The following FGGY variants were observed in gnomAD, a reference collection of about 807,000 sequenced individuals.
FGGY encodes FGGY carbohydrate kinase domain containing, also known as FGGY carbohydrate kinase domain-containing protein.
A neutral mutation model predicts 71.3 loss-of-function variants in FGGY; 72 were observed. That is an observed-to-expected ratio of 1.01 (90% CI 0.84 to 1.23). The LOEUF (loss-of-function observed/expected upper bound fraction) is 1.23. Ranked by LOEUF, FGGY falls within the 50% of genes most tolerant of loss-of-function variation. The pLI is 0.00. For missense variants in FGGY, 668 were observed against 682.3 expected, an observed-to-expected ratio of 0.98 and a Z score of 0.23; for synonymous variants, 251 against 250.3, an observed-to-expected ratio of 1.00 and a Z score of -0.02.
intron 14 of FGGY, among the ~76,000 whole-genome samples, chr1:59,738,524 G>A (rs1045434967): frequency 6.6e-6 from 1 of 152,208 alleles, no homozygotes; most frequent in Non-Finnish European, 1.5e-5. Context: ...AGTCACCAGG[G>A]CCCAAAAGTG....
intron 8 of FGGY, among the ~76,000 whole-genome samples, chr1:59,567,341 CTGAT>C (rs1224003900): frequency 6.6e-6 from 1 of 152,048 alleles, no homozygotes; most frequent in African/African-American, 2.4e-5. Flanking sequence ...ATATGTAAAA[CTGAT>C]TGAAAAGCAT....
chr1:59,597,888 C>G (rs1275431813), intron 8 of FGGY, among the ~76,000 whole-genome samples: 1 of 152,174 alleles, frequency 6.6e-6, no homozygotes, highest in Non-Finnish European at 1.5e-5. Flanking sequence ...ATAATTAGTA[C>G]TATGCTCACT....
At chr1:59,761,628 T>C (rs765472511) in intron 15 of FGGY, among the ~76,000 whole-genome samples, 21 of 152,238 alleles carry the variant, frequency 1.4e-4, no homozygotes, top group Admixed American at 1.3e-4. Context: ...TCAGCTGTTC[T>C]GCTGTCTGAT....
intron 10 of FGGY, among the ~76,000 whole-genome samples, chr1:59,633,965 A>G (rs2096932194): frequency 6.6e-6 from 1 of 152,216 alleles, no homozygotes; most frequent in Non-Finnish European, 1.5e-5. Flanking sequence ...TTCAGAAACA[A>G]GAGAACAAAT....
At chr1:59,339,690 C>T (rs2153198247) in intron 2 of FGGY, among the ~76,000 whole-genome samples, 1 of 152,156 alleles carries the variant, frequency 6.6e-6, no homozygotes, top group East Asian at 1.9e-4. Context: ...GTCTTGAACT[C>T]CTGACCTTGT....
chr1:59,646,409 A>G (rs2097094775), intron 11 of FGGY, among the ~76,000 whole-genome samples: 1 of 151,634 alleles, frequency 6.6e-6, no homozygotes, highest in Admixed American at 6.6e-5. Flanking sequence ...CTGATTATAT[A>G]TATATAATCA....
At chr1:59,380,860 C>T (rs1427528016) in intron 5 of FGGY, among the ~76,000 whole-genome samples, 2 of 151,490 alleles carry the variant, frequency 1.3e-5, no homozygotes, top group Non-Finnish European at 2.9e-5. Flanking sequence ...GACATGAAGT[C>T]CTTGCCCATG....
At chr1:59,732,016 T>C (rs961292434) in intron 14 of FGGY, among the ~76,000 whole-genome samples, 9 of 152,158 alleles carry the variant, frequency 5.9e-5, no homozygotes, top group African/African-American at 2.2e-4. Flanking sequence ...AGCCTCAGTT[T>C]CCTCATCTGT....
At chr1:59,393,675 A>T (rs1446004233) in intron 5 of FGGY, among the ~76,000 whole-genome samples, 1 of 152,030 alleles carries the variant, frequency 6.6e-6, no homozygotes, top group Non-Finnish European at 1.5e-5. Flanking sequence ...TTTGAGAAAC[A>T]TATGTAGTTT....
intron 1 of FGGY, chr1:59,316,153 C>T (rs1415286074): frequency 1.3e-5 from 2 of 152,158 alleles, no homozygotes; most frequent in Non-Finnish European, 2.9e-5. Flanking sequence ...TAGCAAATCC[C>T]TGATTGCAGT....
At chr1:59,344,945 T>A (rs1016220526) in intron 3 of FGGY, among the ~76,000 whole-genome samples, 6 of 152,194 alleles carry the variant, frequency 3.9e-5, no homozygotes, top group Non-Finnish European at 7.4e-5. Context: ...CATGTTACTA[T>A]GTCTAACTCT....
intron 14 of FGGY, among the ~76,000 whole-genome samples, chr1:59,720,332 A>T (rs979460032): frequency 2.0e-5 from 3 of 152,058 alleles, no homozygotes; most frequent in African/African-American, 7.2e-5. Flanking sequence ...TGTCAGGGGG[A>T]AAAAAAGGTC....
intron 8 of FGGY, among the ~76,000 whole-genome samples, chr1:59,567,187 G>A (rs2095888046): frequency 6.6e-6 from 1 of 152,260 alleles, no homozygotes; most frequent in East Asian, 1.9e-4. Context: ...CAAGTTATTG[G>A]TCAGGCCTTA....
At chr1:59,392,274 A>G (rs1207579346) in intron 5 of FGGY, among the ~76,000 whole-genome samples, 2 of 152,218 alleles carry the variant, frequency 1.3e-5, no homozygotes, top group Non-Finnish European at 2.9e-5. Context: ...TAGAGGTTCA[A>G]ATCAGTCAAT....
chr1:59,535,272 G>C (rs1028376178), intron 7 of FGGY, among the ~76,000 whole-genome samples: 5 of 152,128 alleles, frequency 3.3e-5, no homozygotes, highest in Non-Finnish European at 7.4e-5. Flanking sequence ...AATTCAACAA[G>C]AAGAGCTAAC....
At chr1:59,646,846 G>A (rs12076109) in intron 11 of FGGY, among the ~76,000 whole-genome samples, 4,716 of 152,020 alleles carry the variant, frequency 0.031, 246 homozygotes, top group African/African-American at 0.11. Context: ...CATTCTTTGG[G>A]GAAAAAGAAA....
chr1:59,550,622 C>G (rs2095594662), intron 7 of FGGY, among the ~76,000 whole-genome samples: 1 of 152,178 alleles, frequency 6.6e-6, no homozygotes, highest in African/African-American at 2.4e-5. Context: ...ATTTGTAATT[C>G]ATTTCTCTCA....
At chr1:59,699,165 GCTT>G in intron 14 of FGGY, 6 of 985,332 alleles carry the variant, frequency 6.1e-6, no homozygotes, top group Non-Finnish European at 7.2e-6. Flanking sequence ...AGTATCGTGA[GCTT>G]CAGCTGAGTC....
chr1:59,635,741 G>A (rs559949580), intron 10 of FGGY, among the ~76,000 whole-genome samples: 99 of 152,238 alleles, frequency 6.5e-4, no homozygotes, highest in African/African-American at 2.2e-3. Context: ...TATCATATTC[G>A]TGTTCGCTGA....
Sources: gnomAD v4.1 joint callset for allele counts (sites outside exome capture counted in the v4.1 genomes callset) on GRCh38, gnomAD v4.1.1 for gene constraint, MANE v1.5 for transcripts, NCBI Gene and HGNC (gene_info 2026-07-23, HGNC 2026-07-21) for gene names.